TMCO5A: variants seen among roughly 807,000 people sequenced by gnomAD.
The protein encoded by TMCO5A is transmembrane and coiled-coil domains 5A, also known as transmembrane and coiled-coil domain-containing protein 5A.
TMCO5A carries 34 observed loss-of-function variants against 42.3 expected under a neutral mutation model. The observed-to-expected ratio is 0.80, with a 90% confidence interval of 0.61 to 1.07. TMCO5A has a LOEUF of 1.07. Among genes scored for constraint, TMCO5A ranks in the 50% least tolerant of loss-of-function variants. TMCO5A has a pLI of 0.00. For synonymous variants in TMCO5A, 131 were observed against 115.6 expected, an observed-to-expected ratio of 1.13 and a Z score of -0.86; for missense variants, 357 against 327.9, an observed-to-expected ratio of 1.09 and a Z score of -0.69.
At chr15:37,999,565 T>C in the TMCO5A span, among the ~76,000 whole-genome samples, 1 of 152,216 alleles carries the variant, frequency 6.6e-6, no homozygotes, top group Admixed American at 6.5e-5. Flanking sequence ...TCTAGTACTA[T>C]GTTGAATAAC....
the TMCO5A span, among the ~76,000 whole-genome samples, chr15:38,013,263 A>G: frequency 3.9e-5 from 6 of 152,132 alleles, no homozygotes; most frequent in Admixed American, 1.3e-4. Context: ...TAAACTTGCC[A>G]GGGGTCATCT....
chr15:38,007,935 G>A, the TMCO5A span, among the ~76,000 whole-genome samples: 49 of 114,178 alleles, frequency 4.3e-4, no homozygotes, highest in Non-Finnish European at 3.0e-4. Flanking sequence ...TCTCTCTGTT[G>A]CCCAGGCTGG....
intron 11 of TMCO5A, among the ~76,000 whole-genome samples, chr15:37,949,929 A>C (rs1035745879): frequency 2.0e-5 from 3 of 152,150 alleles, no homozygotes; most frequent in Non-Finnish European, 4.4e-5. Flanking sequence ...TGGAGCTAGA[A>C]GTTATATTTC....
chr15:38,000,630 T>G, the TMCO5A span, among the ~76,000 whole-genome samples: 1 of 152,118 alleles, frequency 6.6e-6, no homozygotes. Flanking sequence ...TTTTTCTACT[T>G]CTTTGAAGGT....
chr15:37,936,180 C>T, intron 2 of TMCO5A, 134 bp from the exon 3 acceptor site: 2 of 1,020,896 alleles, frequency 2.0e-6, no homozygotes, highest in Non-Finnish European at 2.7e-6. Flanking sequence ...TGTAATTTTT[C>T]AAGAATGAAA....
chr15:37,977,955 A>T, the TMCO5A span, among the ~76,000 whole-genome samples: 1 of 151,940 alleles, frequency 6.6e-6, no homozygotes, highest in Non-Finnish European at 1.5e-5. Context: ...CTCCTTATGG[A>T]GGCTGCAGCA....
downstream of TMCO5A, among the ~76,000 whole-genome samples, chr15:37,952,165 T>A (rs1890175574): frequency 1.3e-5 from 2 of 151,990 alleles, no homozygotes; most frequent in Admixed American, 1.3e-4. Flanking sequence ...TTATATAAAC[T>A]TGAAATTCCT....
the TMCO5A span, among the ~76,000 whole-genome samples, chr15:37,974,985 G>A: frequency 6.6e-6 from 1 of 152,106 alleles, no homozygotes; most frequent in African/African-American, 2.4e-5. Context: ...GTCTACCTTA[G>A]TTTCATTGTT....
chr15:37,967,496 C>T (rs1890583371), exon 12 of TMCO5A: 1 of 152,070 alleles, frequency 6.6e-6, no homozygotes, highest in Non-Finnish European at 1.5e-5. Flanking sequence ...AAAATCCAAA[C>T]TGAGATTACT....
chr15:37,941,811 G>C (rs1297612975), intron 8 of TMCO5A, 81 bp downstream of exon 8: 30 of 1,234,996 alleles, frequency 2.4e-5, no homozygotes, highest in Non-Finnish European at 3.6e-5. Flanking sequence ...AAAGACTACT[G>C]TCCAGAGCAA....
the TMCO5A span, among the ~76,000 whole-genome samples, chr15:38,028,259 T>C: frequency 5.9e-5 from 9 of 152,168 alleles, no homozygotes; most frequent in Non-Finnish European, 1.3e-4. Context: ...CAACGTAAAA[T>C]ATATTTGAGA....
chr15:37,942,783 G>A (rs16965983), intron 9 of TMCO5A: 6,596 of 154,226 alleles, frequency 0.043, 413 homozygotes, highest in African/African-American at 0.14. Context: ...ACTCCTCAAA[G>A]TACAATGAGT....
downstream of TMCO5A, among the ~76,000 whole-genome samples, chr15:37,951,973 A>C (rs1467152251): frequency 6.6e-6 from 1 of 152,098 alleles, no homozygotes; most frequent in Non-Finnish European, 1.5e-5. Context: ...AGCATTTGTG[A>C]GACATTGAAC....
intron 11 of TMCO5A, among the ~76,000 whole-genome samples, chr15:37,966,187 C>T (rs910622976): frequency 6.6e-6 from 1 of 151,852 alleles, no homozygotes; most frequent in Non-Finnish European, 1.5e-5. Flanking sequence ...ATTTGTGAAA[C>T]CTAAAAATCA....
chr15:37,982,646 T>C, the TMCO5A span, among the ~76,000 whole-genome samples: 1 of 132,450 alleles, frequency 7.6e-6, no homozygotes, highest in Non-Finnish European at 1.6e-5. Flanking sequence ...TATAGATATA[T>C]AGTAGGTATA....
the TMCO5A span, among the ~76,000 whole-genome samples, chr15:37,979,309 C>CTA: frequency 6.6e-6 from 1 of 151,984 alleles, no homozygotes; most frequent in Non-Finnish European, 1.5e-5. Flanking sequence ...GGAGCAGGAG[C>CTA]TATAGAGAAC....
At chr15:38,023,591 C>G in the TMCO5A span, among the ~76,000 whole-genome samples, 1 of 152,210 alleles carries the variant, frequency 6.6e-6, no homozygotes, top group South Asian at 2.1e-4. Context: ...TCAAGCAGAC[C>G]ACTATGGCCA....
chr15:37,962,399 T>C lies in TMCO5A; in HGVS notation c.669-4226T>C, dbSNP rs558057637. Among the ~76,000 whole-genome samples, 3 of 152,326 alleles carry C rather than the reference T, an allele frequency of 2.0e-5. No individual in the cohort carries two copies. The South Asian group carries it at 6.2e-4, about 32-fold the overall frequency. ...CCCTGGTATGAAACCCACTTGATCA[T>C]GATGGATTATCTTTTTGATATGTTG... is the stretch of plus-strand genomic sequence containing the variant. On this transcript the variant is annotated intron_variant, in intron 11 of 11. Coordinates refer to the TMCO5A transcript ENST00000559502.
intron 11 of TMCO5A, among the ~76,000 whole-genome samples, chr15:37,949,483 A>T (rs1360752509): frequency 6.6e-6 from 1 of 152,088 alleles, no homozygotes; most frequent in Non-Finnish European, 1.5e-5. Context: ...ATAGTGTGGT[A>T]TTGGGACTGG....
Sources: allele counts gnomAD v4.1 joint callset (sites outside exome capture counted in the v4.1 genomes callset), GRCh38; gene constraint gnomAD v4.1.1; transcripts MANE v1.5; gene names NCBI Gene and HGNC (gene_info 2026-07-23, HGNC 2026-07-21).